Variants in PTPRE observed in about 807,000 individuals in gnomAD.
PTPRE encodes protein tyrosine phosphatase receptor type E.
PTPRE carries 51 observed loss-of-function variants against 102.0 expected under a neutral mutation model. The observed-to-expected ratio is 0.50, with a 90% CI of 0.40 to 0.63. The LOEUF is 0.63. Ranked by LOEUF, PTPRE falls within the 30% of genes least tolerant of loss-of-function variation. The pLI, the probability that PTPRE is intolerant of heterozygous loss-of-function variation, is 0.00. For missense variants in PTPRE, 752 were observed against 915.1 expected (o/e 0.82, Z 2.30); for synonymous variants, 345 against 348.2 (o/e 0.99, Z 0.10).
chr10:128,061,542 C>T, intron 8 of PTPRE, 137 bp from the exon 9 acceptor site: 1 of 1,075,026 alleles, frequency 9.3e-7, no homozygotes, highest in African/African-American at 1.6e-5. Flanking sequence ...GGTGAGTTTT[C>T]TTTCCTTCTT....
intron 2 of PTPRE, among the ~76,000 whole-genome samples, chr10:128,039,771 G>A (rs868596164): frequency 3.3e-5 from 5 of 152,006 alleles, no homozygotes; most frequent in Admixed American, 6.5e-5. Flanking sequence ...ACCTTGGACG[G>A]GGTTCAGGGG....
At chr10:128,034,327 C>CT (rs1029553363) in intron 2 of PTPRE, among the ~76,000 whole-genome samples, 1 of 151,542 alleles carries the variant, frequency 6.6e-6, no homozygotes, top group African/African-American at 2.4e-5. Context: ...TCCACACCAC[C>CT]CCCCCCACCG....
chr10:128,076,101 T>C (rs1216908575), intron 17 of PTPRE, among the ~76,000 whole-genome samples: 1 of 152,264 alleles, frequency 6.6e-6, no homozygotes, highest in Non-Finnish European at 1.5e-5. Flanking sequence ...GGCTCTTGTC[T>C]AGTAATCCTT....
chr10:127,994,456 A>C (rs1186221952), intron 2 of PTPRE, among the ~76,000 whole-genome samples: 3 of 152,238 alleles, frequency 2.0e-5, no homozygotes, highest in Admixed American at 2.0e-4. Flanking sequence ...ACCCGCAAGA[A>C]CGCAGGCCCC....
intron 1 of PTPRE, among the ~76,000 whole-genome samples, chr10:127,932,966 G>T (rs759286293): frequency 1.9e-4 from 29 of 152,202 alleles, no homozygotes; most frequent in Middle Eastern, 3.2e-3. Flanking sequence ...GCTTTAGCGG[G>T]TGGCTCCTTC....
At chr10:128,077,232 C>T (rs1316021151) in intron 18 of PTPRE, among the ~76,000 whole-genome samples, 1 of 152,212 alleles carries the variant, frequency 6.6e-6, no homozygotes, top group Non-Finnish European at 1.5e-5. Flanking sequence ...AGCCACAGAG[C>T]CACCCTGGCC....
chr10:127,907,172 G>A lies in PTPRE; in HGVS notation c.-168G>A, dbSNP rs1348760518. 1.0e-5 allele frequency: 8 copies of A among 777,112 alleles called. No homozygotes were observed. In the South Asian group the frequency reaches 2.3e-4, roughly 23 times the overall value. The allele number at this position is 777,112 out of a possible 1,614,324, so 48.1% of individuals were successfully genotyped here. ...GGCGCGAGCGGCTTCAGGAACCCAC[G>A]GCCTCTGCGCGTCCCCGCGACCCTT... On this transcript the variant is annotated 5_prime_UTR_variant, in exon 1 of 21. Transcript: ENST00000254667. The surrounding 1 kb of genome is among the most constrained non-coding windows in gnomAD (Gnocchi z 4.8).
intron 17 of PTPRE, 102 bp from the exon 18 acceptor site, chr10:128,076,500 GA>G: frequency 8.7e-7 from 1 of 1,152,312 alleles, no homozygotes; most frequent in Non-Finnish European, 1.2e-6. Flanking sequence ...TTGGTCAGAT[GA>G]AATACATTAA....
chr10:127,907,340 C>A lies in PTPRE; in HGVS notation c.-31+31C>A, dbSNP rs1845544742. 2.0e-6 allele frequency: 2 copies of A among 984,326 alleles called. No homozygotes were observed. Among genetic ancestry groups the A allele is most frequent in the Non-Finnish European group, 2.4e-6 (2 of 829,468 alleles). The allele number at this position is 984,326 out of a possible 1,614,324, so 61.0% of individuals were successfully genotyped here. ...CGCGCGTGCGGACAGGGACCCTGCG[C>A]CCCTGTGGGGAACTGTGCACCCCGG... On this transcript the variant is annotated intron_variant, in intron 1 of 20. Transcript: ENST00000254667. This position sits in a 1 kb window ranked among gnomAD's most constrained non-coding sequence, Gnocchi z 4.8.
chr10:128,047,869 G>A (rs1290427008), intron 5 of PTPRE, 32 bp downstream of exon 5: 2 of 1,537,042 alleles, frequency 1.3e-6, no homozygotes, highest in Admixed American at 2.0e-5. Context: ...TGGGGCTTGG[G>A]GGAAAATGTG....
At chr10:127,921,630 C>G (rs962506173) in intron 1 of PTPRE, among the ~76,000 whole-genome samples, 4 of 152,222 alleles carry the variant, frequency 2.6e-5, no homozygotes, top group African/African-American at 9.6e-5. Flanking sequence ...GAGAGGCTCA[C>G]TGAGCTGTTG....
chr10:127,909,864 C>T (rs969305222), intron 1 of PTPRE, among the ~76,000 whole-genome samples: 5 of 152,094 alleles, frequency 3.3e-5, no homozygotes, highest in African/African-American at 1.2e-4. Flanking sequence ...CACATTTTTG[C>T]CGATGTGGAT....
chr10:127,974,844 G>A (rs1027052361), intron 1 of PTPRE, among the ~76,000 whole-genome samples: 2 of 152,260 alleles, frequency 1.3e-5, no homozygotes, highest in East Asian at 3.9e-4. Context: ...TCTTTGGGGA[G>A]GGTCTGCACC....
At chr10:127,975,782 G>A (rs1019080917) in intron 1 of PTPRE, among the ~76,000 whole-genome samples, 1 of 152,132 alleles carries the variant, frequency 6.6e-6, no homozygotes, top group Non-Finnish European at 1.5e-5. Context: ...TTCAGAGTCC[G>A]AGCCCAATTG....
intron 1 of PTPRE, among the ~76,000 whole-genome samples, chr10:127,950,762 G>A (rs796478849): frequency 5.9e-5 from 9 of 152,244 alleles, no homozygotes; most frequent in African/African-American, 1.4e-4. Context: ...GGTCTGACTC[G>A]TGTAGATCTA....
intron 1 of PTPRE, among the ~76,000 whole-genome samples, chr10:127,916,143 G>A (rs766287621): frequency 1.3e-5 from 2 of 152,034 alleles, no homozygotes; most frequent in Non-Finnish European, 2.9e-5. Flanking sequence ...TCCCCAGGTA[G>A]AGCAGTGACG....
Position 128,070,358 on chromosome 10 carries a change from G to T in PTPRE, c.1201G>T (p.Glu401Ter), listed in dbSNP as rs745402496. 1 of 1,614,182 alleles carries T rather than the reference G, an allele frequency of 6.2e-7. No individual in the cohort carries two copies. ...LLEYYLYGDT[E>*]LDVSSLEKHL... Reference sequence around the variant, plus strand: ...CGAGTACTACCTCTACGGGGACACAGAGCTGGACGTGTCCTCCCTGGAGAA... The same window carrying T: ...CGAGTACTACCTCTACGGGGACACATAGCTGGACGTGTCCTCCCTGGAGAA... Residue 401 changes from glutamate (E) to a stop codon, truncating the protein, a stop_gained, in exon 14 of 21, where the codon GAG becomes TAG. Coordinates refer to ENST00000254667, the MANE Select transcript of PTPRE (RefSeq NM_006504.6). LOFTEE classifies it high-confidence loss of function. This position sits in a 1 kb window ranked among gnomAD's most constrained non-coding sequence, Gnocchi z 4.8.
At chr10:128,079,829 T>C in intron 20 of PTPRE, 134 bp downstream of exon 20, 2 of 1,227,706 alleles carry the variant, frequency 1.6e-6, no homozygotes, top group Non-Finnish European at 2.2e-6. Context: ...AAGAGCCAGC[T>C]GCAATGTTTC....
chr10:127,963,422 G>A (rs11018424), intron 1 of PTPRE, among the ~76,000 whole-genome samples: 58,047 of 152,064 alleles, frequency 0.38, 12,499 homozygotes, highest in African/African-American at 0.6. Context: ...GTTAATATGA[G>A]CATGTGATTA....
Sources: gnomAD v4.1 joint callset for allele counts (sites outside exome capture counted in the v4.1 genomes callset) on GRCh38, gnomAD v4.1.1 for gene constraint, Gnocchi (gnomAD v3.1) non-coding constraint, MANE v1.5 for transcripts, NCBI Gene and HGNC (gene_info 2026-07-23, HGNC 2026-07-21) for gene names.